TENM2: variants seen among roughly 807,000 people sequenced by gnomAD.
The protein encoded by TENM2 is teneurin-2.
A neutral mutation model predicts 245.2 loss-of-function variants in TENM2; 52 were observed. That is an observed-to-expected ratio of 0.21 (90% CI 0.17 to 0.27). The LOEUF is 0.27. TENM2 is among the 10% of genes least tolerant of loss of function. The pLI, the probability that TENM2 is intolerant of heterozygous loss-of-function variation, is 1.00. For synonymous variants in TENM2, 1,363 were observed against 1,438.9 expected (o/e 0.95, Z 1.19); for missense variants, 3,046 against 3,666.8 (o/e 0.83, Z 4.37).
At chr5:168,167,431 C>G (rs1266958634) in intron 13 of TENM2, among the ~76,000 whole-genome samples, 1 of 152,126 alleles carries the variant, frequency 6.6e-6, no homozygotes. Context: ...TCATTTCAAG[C>G]CGGCATCGGA....
intron 2 of TENM2, chr5:167,755,338 G>A (rs972159711): frequency 1.4e-5 from 8 of 588,458 alleles, no homozygotes; most frequent in East Asian, 2.8e-5. Flanking sequence ...ATTTCGCACC[G>A]CAGTTGTCTT....
intron 2 of TENM2, among the ~76,000 whole-genome samples, chr5:167,400,655 C>T (rs1762312915): frequency 1.3e-5 from 2 of 151,848 alleles, no homozygotes; most frequent in Admixed American, 1.3e-4. Flanking sequence ...TATAAAGGTA[C>T]CAGGGCCAAG....
intron 2 of TENM2, among the ~76,000 whole-genome samples, chr5:167,405,796 A>ACG (rs1352971901): frequency 2.0e-5 from 3 of 151,630 alleles, no homozygotes; most frequent in Admixed American, 6.6e-5. Flanking sequence ...ACACACACAC[A>ACG]CACGCACACA....
At chr5:168,259,430 A>C (rs1227573960) in intron 27 of TENM2, among the ~76,000 whole-genome samples, 1 of 152,078 alleles carries the variant, frequency 6.6e-6, no homozygotes, top group Non-Finnish European at 1.5e-5. Flanking sequence ...TCTACTGAAA[A>C]ATACAAAATT....
At chr5:166,992,470 GAGT>G in the TENM2 span, among the ~76,000 whole-genome samples, 1 of 152,138 alleles carries the variant, frequency 6.6e-6, no homozygotes, top group Non-Finnish European at 1.5e-5. Context: ...ATCTTTTGGG[GAGT>G]TTAAATCATT....
At chr5:168,094,937 T>C (rs1793237730) in intron 8 of TENM2, among the ~76,000 whole-genome samples, 1 of 151,968 alleles carries the variant, frequency 6.6e-6, no homozygotes, top group South Asian at 2.1e-4. Flanking sequence ...TATTGTGAAC[T>C]GTGCATGCGA....
chr5:167,139,700 T>A, the TENM2 span, among the ~76,000 whole-genome samples: 4 of 152,226 alleles, frequency 2.6e-5, no homozygotes, highest in Non-Finnish European at 5.9e-5. Context: ...AATTCATATA[T>A]GTATAATTTA....
chr5:167,435,970 T>C (rs1262641024), intron 2 of TENM2, among the ~76,000 whole-genome samples: 11 of 135,518 alleles, frequency 8.1e-5, no homozygotes, highest in Admixed American at 5.9e-4. Context: ...TTTTTCTTTT[T>C]TTTTCTTTTT....
the TENM2 span, among the ~76,000 whole-genome samples, chr5:167,017,927 T>C: frequency 6.6e-6 from 1 of 152,070 alleles, no homozygotes; most frequent in African/African-American, 2.4e-5. Flanking sequence ...GAAATAAATG[T>C]AGGAGAAAAG....
exon 14 of TENM2, chr5:168,190,485 C>T (rs1562262880): frequency 6.2e-7 from 1 of 1,614,034 alleles, no homozygotes; most frequent in Non-Finnish European, 8.5e-7. Flanking sequence ...ATGACCGTAT[C>T]AAGCTCTTGG....
At chr5:167,730,056 C>G (rs1034063009) in intron 2 of TENM2, among the ~76,000 whole-genome samples, 3 of 152,058 alleles carry the variant, frequency 2.0e-5, no homozygotes, top group Admixed American at 6.6e-5. Flanking sequence ...TTTTTAGCTT[C>G]TCTACCATTG....
At chr5:167,967,714 A>G (rs1781483216) in intron 4 of TENM2, among the ~76,000 whole-genome samples, 1 of 152,244 alleles carries the variant, frequency 6.6e-6, no homozygotes, top group African/African-American at 2.4e-5. Context: ...ATGCATTGTA[A>G]GAGCAAGACT....
At chr5:167,810,160 T>C (rs988694561) in intron 2 of TENM2, among the ~76,000 whole-genome samples, 1 of 152,152 alleles carries the variant, frequency 6.6e-6, no homozygotes, top group Non-Finnish European at 1.5e-5. Flanking sequence ...TTGAACTTTG[T>C]TGGTTTAGAT....
At chr5:167,877,130 G>A (rs1241009242) in intron 3 of TENM2, among the ~76,000 whole-genome samples, 1 of 152,114 alleles carries the variant, frequency 6.6e-6, no homozygotes, top group East Asian at 1.9e-4. Context: ...TTCTGAACTG[G>A]TCAGTCATGA....
intron 4 of TENM2, among the ~76,000 whole-genome samples, chr5:167,972,521 C>A (rs922860800): frequency 2.6e-5 from 4 of 152,116 alleles, no homozygotes; most frequent in African/African-American, 9.7e-5. Flanking sequence ...TGTAATGAAA[C>A]ATCTTGTGTA....
chr5:167,634,660 C>T (rs1779080503), intron 2 of TENM2, among the ~76,000 whole-genome samples: 1 of 144,060 alleles, frequency 6.9e-6, no homozygotes, highest in East Asian at 2.0e-4. Flanking sequence ...AATAAAGCTT[C>T]TTTTTTTTTT....
the TENM2 span, among the ~76,000 whole-genome samples, chr5:167,252,438 C>A: frequency 6.6e-6 from 1 of 152,074 alleles, no homozygotes; most frequent in African/African-American, 2.4e-5. Flanking sequence ...GGTTTCCTTT[C>A]GCGTTGTCAT....
chr5:168,219,824 C>CAA (rs70976468), intron 23 of TENM2, among the ~76,000 whole-genome samples: 2,929 of 49,522 alleles, frequency 0.059, 260 homozygotes, highest in East Asian at 0.21. Context: ...GTTGGCACAG[C>CAA]AAAAAAAAAA....
intron 2 of TENM2, among the ~76,000 whole-genome samples, chr5:167,537,554 A>G (rs1007566113): frequency 6.6e-6 from 1 of 152,244 alleles, no homozygotes; most frequent in Non-Finnish European, 1.5e-5. Flanking sequence ...TATCAGGAAG[A>G]GTACAGTTAT....
Sources: gnomAD v4.1 joint callset for allele counts (sites outside exome capture counted in the v4.1 genomes callset) on GRCh38, gnomAD v4.1.1 for gene constraint, MANE v1.5 for transcripts, NCBI Gene and HGNC (gene_info 2026-07-23, HGNC 2026-07-21) for gene names.